ELAVL2: variants seen among roughly 807,000 people sequenced by gnomAD.
ELAVL2 encodes the protein ELAV-like protein 2.
A neutral mutation model predicts 34.6 loss-of-function variants in ELAVL2; 4 were observed. The observed-to-expected ratio is 0.12, with a 90% confidence interval of 0.06 to 0.26. The LOEUF (loss-of-function observed/expected upper bound fraction) is 0.26, where lower values mean the gene tolerates loss of function less well. ELAVL2 is among the 10% of genes least tolerant of loss of function. The pLI is 1.00. For synonymous variants in ELAVL2, 193 were observed against 154.8 expected (o/e 1.25, Z -1.83); for missense variants, 432 against 442.8 (o/e 0.98, Z 0.22).
At chr9:23,747,102 A>T (rs2050694574) in intron 2 of ELAVL2, among the ~76,000 whole-genome samples, 1 of 151,760 alleles carries the variant, frequency 6.6e-6, no homozygotes, top group Non-Finnish European at 1.5e-5. Flanking sequence ...GGGGGTTACA[A>T]GACCCTCAGT....
intron 1 of ELAVL2, among the ~76,000 whole-genome samples, chr9:23,792,107 C>T (rs987094965): frequency 2.0e-5 from 3 of 152,172 alleles, no homozygotes; most frequent in Admixed American, 1.3e-4. Flanking sequence ...TTTTCACTGT[C>T]AGTATTCAGT....
At chr9:23,778,328 C>A (rs985336534) in intron 1 of ELAVL2, among the ~76,000 whole-genome samples, 1 of 152,148 alleles carries the variant, frequency 6.6e-6, no homozygotes, top group African/African-American at 2.4e-5. Context: ...TAGATTTAGC[C>A]TGAAAACATG....
At chr9:23,790,383 T>A (rs1303110987) in intron 1 of ELAVL2, among the ~76,000 whole-genome samples, 1 of 152,214 alleles carries the variant, frequency 6.6e-6, no homozygotes, top group Non-Finnish European at 1.5e-5. Flanking sequence ...AGTCTGTGAC[T>A]GCACAGGTAA....
chr9:23,692,885 C>T lies in ELAVL2; in HGVS notation c.753-1G>A. The T allele has an allele frequency of 6.2e-7, 1 of 1,612,710 alleles. No individual in the cohort carries two copies. Among genetic ancestry groups the T allele is most frequent in the Non-Finnish European group, 8.5e-7 (1 of 1,179,050 alleles). On this transcript the variant is annotated splice_acceptor_variant, in intron 6 of 6. Transcript: ENST00000397312. LOFTEE classifies it high-confidence loss of function. ...TCCGTCAATGGTCATTGGAGAAAAC[C>T]TGCTAAACAGAATAGGAAATACACA...
In ELAVL2 at chr9:23,775,458, T is replaced by A. The variant is rs1213043965; in HGVS notation, c.-15-13209A>T. Among the ~76,000 whole-genome samples, 4 of 152,200 alleles carry A rather than the reference T, an allele frequency of 2.6e-5. No individual in the cohort carries two copies. The South Asian group carries it at 6.2e-4, about 24-fold the overall frequency. ...AAAACTTCAAGAGTTCACACAAGTA[T>A]TAAGTGAGAAACTGGGATTTGAAAT... On this transcript the variant is annotated intron_variant, in intron 1 of 6. Transcript: ENST00000397312.
intron 1 of ELAVL2, among the ~76,000 whole-genome samples, chr9:23,789,340 C>T (rs1216233102): frequency 6.6e-6 from 1 of 152,040 alleles, no homozygotes; most frequent in African/African-American, 2.4e-5. Context: ...CTGAAGTGAC[C>T]GTCATTTCAC....
At chr9:23,724,924 G>A (rs1195487261) in intron 3 of ELAVL2, among the ~76,000 whole-genome samples, 1 of 151,926 alleles carries the variant, frequency 6.6e-6, no homozygotes, top group Non-Finnish European at 1.5e-5. Flanking sequence ...CATCTCATAA[G>A]TAGGTCAGTT....
At chr9:23,815,818 G>T (rs577706438) in intron 1 of ELAVL2, among the ~76,000 whole-genome samples, 5 of 152,088 alleles carry the variant, frequency 3.3e-5, no homozygotes, top group Admixed American at 6.6e-5. Flanking sequence ...TTGGCCGCAC[G>T]GGCACGGTGA....
At chr9:23,708,742 A>G (rs940803926) in intron 3 of ELAVL2, among the ~76,000 whole-genome samples, 1 of 152,122 alleles carries the variant, frequency 6.6e-6, no homozygotes, top group African/African-American at 2.4e-5. Flanking sequence ...CCCGGGTTCA[A>G]GCTATTCTCC....
At chr9:23,705,839 G>GT (rs2039153207) in intron 3 of ELAVL2, among the ~76,000 whole-genome samples, 1 of 152,150 alleles carries the variant, frequency 6.6e-6, no homozygotes, top group Non-Finnish European at 1.5e-5. Context: ...ATGGGTCCAT[G>GT]GCCAGGGGTT....
intron 5 of ELAVL2, among the ~76,000 whole-genome samples, chr9:23,695,358 T>C (rs1432241309): frequency 6.6e-6 from 1 of 152,168 alleles, no homozygotes; most frequent in South Asian, 2.1e-4. Context: ...ACATCATCTA[T>C]GCCCATTAAT....
chr9:23,836,252 C>T, the ELAVL2 span, among the ~76,000 whole-genome samples: 87 of 152,292 alleles, frequency 5.7e-4, no homozygotes, highest in African/African-American at 2.0e-3. Context: ...TTTTTGTAAA[C>T]ATGAGTTGGA....
In ELAVL2 at chr9:23,690,706, G is replaced by A. The variant is rs1448455977; in HGVS notation, c.*1851C>T. On this transcript the variant is annotated 3_prime_UTR_variant, in exon 7 of 7. Transcript: ENST00000397312. ...ACAACTATGTTATGCATAGCACATT[G>A]CCTGTTCTAAGGGGAAGCATGTGAG... The A allele has an allele frequency of 3.3e-5, 5 of 152,556 alleles. No homozygotes were observed. Among genetic ancestry groups the A allele is most frequent in the African/African-American group, 9.7e-5 (4 of 41,426 alleles). The allele number at this position is 152,556 out of a possible 1,614,324, so 9.5% of individuals were successfully genotyped here. A position where few individuals can be genotyped will look rare whatever the true frequency, so the allele number is the denominator to read the frequency against.
chr9:23,758,532 T>A (rs2054122251), intron 2 of ELAVL2, among the ~76,000 whole-genome samples: 1 of 152,150 alleles, frequency 6.6e-6, no homozygotes, highest in Admixed American at 6.6e-5. Context: ...GTGTTCAGAT[T>A]TACCTACTCC....
chr9:23,730,874 C>A (rs1188814050), intron 3 of ELAVL2, 148 bp downstream of exon 3: 5 of 672,774 alleles, frequency 7.4e-6, no homozygotes, highest in Non-Finnish European at 1.2e-5. Context: ...CAGTTTCTTC[C>A]ATCTTGCAAC....
intron 2 of ELAVL2, among the ~76,000 whole-genome samples, chr9:23,757,094 A>G (rs747833450): frequency 1.3e-5 from 2 of 152,118 alleles, no homozygotes; most frequent in Non-Finnish European, 2.9e-5. Context: ...AAATTTGGGT[A>G]CCACCGGGCT....
intron 3 of ELAVL2, among the ~76,000 whole-genome samples, chr9:23,709,674 C>CT (rs1200845821): frequency 6.6e-6 from 1 of 152,110 alleles, no homozygotes; most frequent in African/African-American, 2.4e-5. Flanking sequence ...AAAATAGCCT[C>CT]TTTCTCCACT....
upstream of ELAVL2, among the ~76,000 whole-genome samples, chr9:23,828,326 C>A (rs993526405): frequency 6.6e-6 from 1 of 152,102 alleles, no homozygotes; most frequent in Admixed American, 6.5e-5. Flanking sequence ...GTTGCATATG[C>A]CCATATAATT....
intron 1 of ELAVL2, among the ~76,000 whole-genome samples, chr9:23,809,846 G>A (rs1178924826): frequency 6.6e-6 from 1 of 152,116 alleles, no homozygotes; most frequent in Non-Finnish European, 1.5e-5. Context: ...TAAAGTTGGA[G>A]AAACAGTAAA....
Sources: gnomAD v4.1 joint callset for allele counts (sites outside exome capture counted in the v4.1 genomes callset) on GRCh38, gnomAD v4.1.1 for gene constraint, MANE v1.5 for transcripts, NCBI Gene and HGNC (gene_info 2026-07-23, HGNC 2026-07-21) for gene names.